The following TUBGCP2 variants were observed in gnomAD, a reference collection of about 807,000 sequenced individuals.
TUBGCP2 encodes tubulin gamma complex component 2.
Under a neutral mutation model 92.2 loss-of-function variants are expected in TUBGCP2, and 55 were observed. The ratio of observed to expected loss-of-function variants is 0.60; its 90% CI spans 0.48 to 0.75. The LOEUF is 0.75. Ranked by LOEUF, TUBGCP2 falls within the 30% of genes least tolerant of loss-of-function variation. The probability of loss-of-function intolerance (pLI) is 0.00; values close to 1 mark genes in which losing one functional copy is unlikely to be tolerated. For missense variants in TUBGCP2, 1,093 were observed against 1,188.9 expected (o/e 0.92, Z 1.19); for synonymous variants, 533 against 505.2 (o/e 1.06, Z -0.74).
chr10:133,289,775 C>A, intron 9 of TUBGCP2, 49 bp downstream of exon 9: 1 of 1,603,544 alleles, frequency 6.2e-7, no homozygotes, highest in Middle Eastern at 1.9e-4. Flanking sequence ...GGAGACTCTC[C>A]AGGCAGAGCT....
chr10:133,302,360 C>T (rs986031782), intron 2 of TUBGCP2: 17 of 187,080 alleles, frequency 9.1e-5, no homozygotes, highest in Non-Finnish European at 2.1e-5. Flanking sequence ...CACCCTGCAC[C>T]CCGCACAGCC....
At position 133,285,279 on chromosome 10, in the gene TUBGCP2, T is replaced by C; in HGVS notation, c.1896-66A>G. 6.2e-7 allele frequency: 1 copy of C among 1,604,432 alleles called. No homozygotes were observed. The highest frequency in any genetic ancestry group is 8.5e-7 in the Non-Finnish European group (1 of 1,178,858). ...CCGGCGGCGTCGTGGACACGGCGTC[T>C]GTACTCCACAGTCCGCACCGTGGCC... On this transcript the variant is annotated intron_variant, in intron 12 of 17. Transcript: ENST00000252936. The surrounding 1 kb of genome is among the most constrained non-coding windows in gnomAD (Gnocchi z 6.8).
chr10:133,289,139 C>G, intron 9 of TUBGCP2, 119 bp from the exon 10 acceptor site: 4 of 1,156,706 alleles, frequency 3.5e-6, no homozygotes, highest in South Asian at 3.1e-5. Flanking sequence ...CACGGTCAGT[C>G]TGAGGCCCCA....
At chr10:133,301,700 CTTTTTTTTTTTTTTTTTTT>C (rs71016439) in intron 2 of TUBGCP2, 5 of 87,214 alleles carry the variant, frequency 5.7e-5, no homozygotes, top group African/African-American at 2.5e-4. Flanking sequence ...CAGTCCCTCC[CTTTTTTTTTTTTTTTTTTT>C]TTTTTTTTTT....
Position 133,292,604 on chromosome 10 carries a change from C to A in TUBGCP2, c.1109G>T (p.Ser370Ile), listed in dbSNP as rs780164179. 1.2e-6 allele frequency: 2 copies of A among 1,614,182 alleles called. No homozygotes were observed. Among genetic ancestry groups the A allele is most frequent in the Non-Finnish European group, 1.7e-6 (2 of 1,180,030 alleles). ...HDRSFSYTGD[S>I]QAQELCLYLT... is the part of the protein sequence containing the mutation. Reference sequence around the variant, plus strand: ...GTACAGGCATAGCTCCTGCGCCTGGCTGTCCCCTGTGTAGCTGAAGCTCCT... The same window carrying A: ...GTACAGGCATAGCTCCTGCGCCTGGATGTCCCCTGTGTAGCTGAAGCTCCT... The change falls in exon 8 of 18, where the codon AGC becomes ATC. Residue 370 changes from serine (S) to isoleucine (I), a missense_variant. Ser to Ile is a moderately radical substitution (Grantham distance 142, BLOSUM62 -2). This residue lies in a region of TUBGCP2 where 490 missense variants were observed against 488.5 expected (regional missense o/e 1.00). Transcript: ENST00000252936.
rs951807093 is a variant in TUBGCP2, at chr10:133,293,777, C to T, written c.617-8G>A. On this transcript the variant is annotated splice_polypyrimidine_tract_variant and splice_region_variant and intron_variant, in intron 5 of 17. Coordinates refer to ENST00000252936, the MANE Select transcript of TUBGCP2 (RefSeq NM_006659.4). ...AGGCCAGGGGCAACGTGCCTGCGGG[C>T]ACAGACAGCGCTGTGGCTCTGCAGC... 6 of 1,574,306 alleles carry T rather than the reference C, an allele frequency of 3.8e-6. No individual in the cohort carries two copies. Among genetic ancestry groups the T allele is most frequent in the Non-Finnish European group, 5.2e-6 (6 of 1,160,936 alleles).
chr10:133,305,938 A>G (rs1847806690), intron 1 of TUBGCP2, among the ~76,000 whole-genome samples: 1 of 152,242 alleles, frequency 6.6e-6, no homozygotes, highest in South Asian at 2.1e-4. Flanking sequence ...GAACAAGGAC[A>G]CGTCCTCTCC....
intron 1 of TUBGCP2, among the ~76,000 whole-genome samples, chr10:133,303,381 T>C (rs886122743): frequency 6.6e-6 from 1 of 152,206 alleles, no homozygotes; most frequent in Non-Finnish European, 1.5e-5. Context: ...CCTCCGCAGC[T>C]CCGGGAGCCA....
At chr10:133,297,871 A>C in intron 5 of TUBGCP2, 81 bp downstream of exon 5, 1 of 1,571,814 alleles carries the variant, frequency 6.4e-7, no homozygotes, top group Admixed American at 1.8e-5. Flanking sequence ...AAATAAACAC[A>C]TGACATACCT....
intron 2 of TUBGCP2, 48 bp downstream of exon 2, chr10:133,302,744 A>T (rs1299110115): frequency 6.2e-7 from 1 of 1,607,642 alleles, no homozygotes; most frequent in Admixed American, 1.7e-5. Flanking sequence ...ACCCTGACCC[A>T]GGAACAGTGC....
chr10:133,312,190 T>G (rs1848006427), upstream of TUBGCP2: 7 of 1,416,504 alleles, frequency 4.9e-6, no homozygotes, highest in Non-Finnish European at 6.4e-6. Context: ...GTTTCTAGCG[T>G]CACCTGTGCC....
intron 1 of TUBGCP2, among the ~76,000 whole-genome samples, chr10:133,305,901 G>A (rs564513591): frequency 1.5e-4 from 23 of 152,368 alleles, no homozygotes; most frequent in Admixed American, 1.1e-3. Flanking sequence ...GGACACTGAC[G>A]TGGCTACTTC....
upstream of TUBGCP2, chr10:133,310,099 C>G (rs1476959429): frequency 6.2e-7 from 1 of 1,611,576 alleles, no homozygotes; most frequent in Non-Finnish European, 8.5e-7. Flanking sequence ...GGCAGCTCTG[C>G]TACGGGGGCA....
intron 8 of TUBGCP2, 115 bp from the exon 9 acceptor site, chr10:133,290,084 G>C: frequency 1.4e-6 from 2 of 1,413,720 alleles, no homozygotes; most frequent in Non-Finnish European, 1.9e-6. Flanking sequence ...ACACTTCCAA[G>C]TAACGTTCCA....
chr10:133,302,612 C>T lies in TUBGCP2; in HGVS notation c.150+180G>A, dbSNP rs1847697797. ...TCCAGGAACAGTGTTCATCCTGCACCCTGACCCAGGGGTGGGCTCACCCTG... is the reference window on the plus strand; with the variant it reads ...TCCAGGAACAGTGTTCATCCTGCACTCTGACCCAGGGGTGGGCTCACCCTG... On this transcript the variant is annotated intron_variant, in intron 2 of 17. Transcript: ENST00000252936. 13 of 690,706 alleles carry T rather than the reference C, an allele frequency of 1.9e-5. No homozygotes were observed. The South Asian group carries it at 2.4e-4, about 13-fold the overall frequency. 42.8% of individuals were successfully genotyped at this position (690,706 alleles called of 1,614,324 possible).
At position 133,299,998 on chromosome 10, in the gene TUBGCP2, G is replaced by A. The variant is rs759835583; in HGVS notation, c.266C>T (p.Thr89Met). 5.1e-5 allele frequency: 83 copies of A among 1,613,912 alleles called. 2 individuals carry two copies. In the South Asian group the frequency reaches 7.0e-4, roughly 14 times the overall value. Reference protein sequence around the residue: ...DPLVYLLSKLTEDKETLQYLQ... With the variant: ...DPLVYLLSKLMEDKETLQYLQ... ...ATGGGCACCTACCTCTTTGTCTTCC[G>A]TGAGCTTTGACAACAGGTACACCAG... Residue 89 changes from threonine (T) to methionine (M), a missense_variant, in exon 3 of 18, where the codon ACG becomes ATG. Physicochemically the swap from Thr to Met is moderately conservative, Grantham distance 81 (BLOSUM62 -1). Transcript: ENST00000252936.
upstream of TUBGCP2, chr10:133,309,080 A>T: frequency 7.7e-7 from 1 of 1,301,800 alleles, no homozygotes; most frequent in African/African-American, 1.5e-5. Context: ...TTCCCGCGGG[A>T]GCACCAGTTC....
chr10:133,283,896 T>C lies in TUBGCP2; in HGVS notation c.2131A>G (p.Lys711Glu). 1 of 1,614,114 alleles carries C rather than the reference T, an allele frequency of 6.2e-7. No homozygotes were observed. ...VMEPTWHILE[K>E]NLKSASNIDD... Reference sequence around the variant, plus strand: ...CTAAAACTCACGGATTTCAGGTTTTTCTCCAGGATGTGCCAGGTCGGTTCC... The same window carrying C: ...CTAAAACTCACGGATTTCAGGTTTTCCTCCAGGATGTGCCAGGTCGGTTCC... The change falls in exon 14 of 18, where the codon AAA becomes GAA. Residue 711 changes from lysine (K) to glutamate (E), a missense_variant. Coordinates refer to ENST00000252936, the MANE Select transcript of TUBGCP2 (RefSeq NM_006659.4).
chr10:133,292,919 C>T, intron 7 of TUBGCP2, 120 bp downstream of exon 7: 1 of 1,233,590 alleles, frequency 8.1e-7, no homozygotes, highest in South Asian at 1.5e-5. Context: ...TGAGCTTTGG[C>T]CACACGCCCC....
Sources: allele counts gnomAD v4.1 joint callset (sites outside exome capture counted in the v4.1 genomes callset), GRCh38; gene constraint gnomAD v4.1.1; regional missense constraint gnomAD v4.1.1; non-coding constraint Gnocchi (gnomAD v3.1); transcripts MANE v1.5; gene names NCBI Gene and HGNC (gene_info 2026-07-23, HGNC 2026-07-21).